Variants in PCDHA7 observed in about 807,000 individuals in gnomAD.
PCDHA7 encodes protocadherin alpha 7.
PCDHA7 carries 37 observed loss-of-function variants against 57.2 expected under a neutral mutation model. The observed-to-expected ratio is 0.65, with a 90% confidence interval of 0.50 to 0.85. The LOEUF (loss-of-function observed/expected upper bound fraction) is 0.85. PCDHA7 is among the 40% of genes least tolerant of loss of function. PCDHA7 has a pLI of 0.00. For missense variants in PCDHA7, 1,188 were observed against 1,241.8 expected (o/e 0.96, Z 0.65); for synonymous variants, 553 against 558.8 (o/e 0.99, Z 0.15).
At chr5:140,871,774 T>C (rs1164981873) in intron 1 of PCDHA7, among the ~76,000 whole-genome samples, 1 of 152,254 alleles carries the variant, frequency 6.6e-6, no homozygotes, top group African/African-American at 2.4e-5. Context: ...GACTCTTCTG[T>C]AGTCACTTGA....
intron 1 of PCDHA7, among the ~76,000 whole-genome samples, chr5:140,949,542 T>G (rs1418281515): frequency 6.6e-6 from 1 of 151,916 alleles, no homozygotes; most frequent in East Asian, 1.9e-4. Context: ...AATATCGATT[T>G]GTTGCTGGTC....
At chr5:140,927,172 G>A (rs782548172) in intron 1 of PCDHA7, 7 of 1,614,034 alleles carry the variant, frequency 4.3e-6, no homozygotes, top group East Asian at 4.5e-5. Context: ...AGCTGCCTGC[G>A]TCTTGACCTA....
chr5:140,880,645 C>A (rs535367313), intron 1 of PCDHA7, among the ~76,000 whole-genome samples: 1 of 152,032 alleles, frequency 6.6e-6, no homozygotes, highest in Admixed American at 6.6e-5. Context: ...CACTTGAGAG[C>A]CCAACTGAGG....
chr5:140,842,874 A>C lies in PCDHA7; in HGVS notation c.2355+6136A>C, dbSNP rs2150346972. 38 of 1,593,708 alleles carry C rather than the reference A, an allele frequency of 2.4e-5. 5 individuals carry two copies. The highest frequency in any genetic ancestry group is 2.3e-4 in the African/African-American group (17 of 74,204). On this transcript the variant is annotated intron_variant, in intron 1 of 3. Coordinates refer to ENST00000525929, the MANE Select transcript of PCDHA7 (RefSeq NM_018910.3). Reference sequence around the variant, plus strand: ...GTGCACACGGAGAGCGGCAAGGTGTACGCGCTGCAGCCGCTGGACCACGAG... The same window carrying C: ...GTGCACACGGAGAGCGGCAAGGTGTCCGCGCTGCAGCCGCTGGACCACGAG...
Position 140,856,120 on chromosome 5 carries a change from G to C in PCDHA7, c.2355+19382G>C, listed in dbSNP as rs782167466. 6 of 1,598,210 alleles carry C rather than the reference G, an allele frequency of 3.8e-6. 1 individual carries two copies. The highest frequency in any genetic ancestry group is 5.1e-6 in the Non-Finnish European group (6 of 1,167,784). On this transcript the variant is annotated intron_variant, in intron 1 of 3. Transcript: ENST00000525929. ...CGCTTCTTCTCCTCGCAGCCTGGGA[G>C]GTGGGGAGCGGCCAGCTCCACTACT...
At chr5:140,972,660 A>ATTTTTTTT (rs11350929) in intron 1 of PCDHA7, among the ~76,000 whole-genome samples, 1 of 117,268 alleles carries the variant, frequency 8.5e-6, no homozygotes, top group Non-Finnish European at 1.7e-5. Context: ...AAGAAACCAA[A>ATTTTTTTT]TTTTTTTTTT....
In PCDHA7 at chr5:140,843,250, G is replaced by C; in HGVS notation, c.2355+6512G>C. The stretch of plus-strand genomic sequence containing the variant: ...GTGTCCTGGACGAAGCGGACTCTCC[G>C]CGCCACCGTCTGCTGGTCCTGGTGA... On this transcript the variant is annotated intron_variant, in intron 1 of 3. Transcript: ENST00000525929. 14 of 1,596,012 alleles carry C rather than the reference G, an allele frequency of 8.8e-6. 3 individuals carry two copies. Among genetic ancestry groups the C allele is most frequent in the Non-Finnish European group, 1.1e-5 (13 of 1,165,570 alleles).
intron 1 of PCDHA7, among the ~76,000 whole-genome samples, chr5:140,895,167 T>G (rs1289758040): frequency 6.6e-6 from 1 of 152,186 alleles, no homozygotes; most frequent in African/African-American, 2.4e-5. Flanking sequence ...CAATCCAATC[T>G]ATTTGTAGTC....
rs963313279 is a variant in PCDHA7, at chr5:140,848,520, C to A, written c.2355+11782C>A. On this transcript the variant is annotated intron_variant, in intron 1 of 3. Coordinates refer to ENST00000525929, the MANE Select transcript of PCDHA7 (RefSeq NM_018910.3). Reference sequence around the variant, plus strand: ...AATGTTATACTCAAGTCGAGGAGATCCAGAGGGTCAGCCTCTACTGCTCTC... The same window carrying A: ...AATGTTATACTCAAGTCGAGGAGATACAGAGGGTCAGCCTCTACTGCTCTC... The A allele has an allele frequency of 3.1e-6, 5 of 1,592,812 alleles. 1 individual carries two copies. The Admixed American group carries it at 5.1e-5, about 16-fold the overall frequency.
At chr5:140,934,196 C>T in intron 1 of PCDHA7, among the ~76,000 whole-genome samples, 1 of 152,068 alleles carries the variant, frequency 6.6e-6, no homozygotes, top group East Asian at 1.9e-4. Context: ...CTTTTCATTT[C>T]TATTTCCTCA....
At position 140,836,594 on chromosome 5, in the gene PCDHA7, C is replaced by T. The variant is rs2150264886; in HGVS notation, c.2211C>T (p.Pro737=). 2 of 1,613,766 alleles carry T rather than the reference C, an allele frequency of 1.2e-6. No individual in the cohort carries two copies. The highest frequency in any genetic ancestry group is 2.7e-5 in the African/African-American group (2 of 74,922). The change falls in exon 1 of 4, where the codon CCC becomes CCT. Residue 737 remains proline, a synonymous_variant. Transcript: ENST00000525929. The stretch of plus-strand genomic sequence containing the variant: ...AGGGCGCATGTAGTTTGGTAAAGCC[C>T]ACTCTGGTGTGCTCCAGCGCGGTGG... ...SSEGACSLVK[P]TLVCSSAVGS...
At chr5:140,976,971 C>A (rs2096740170) in intron 1 of PCDHA7, among the ~76,000 whole-genome samples, 1 of 152,138 alleles carries the variant, frequency 6.6e-6, no homozygotes, top group Non-Finnish European at 1.5e-5. Flanking sequence ...TTTCCTTTTC[C>A]CTGCCTGATC....
In PCDHA7 at chr5:140,835,816, C is replaced by G. The variant is rs1554135300; in HGVS notation, c.1433C>G (p.Ser478Trp). The stretch of plus-strand genomic sequence containing the variant: ...CCGGGCTGCCACATCTTCACTGTGT[C>G]GGCGGGGGACGCGGACGCGCAGAAG... ...NPPGCHIFTV[S>W]AGDADAQKNA... The change falls in exon 1 of 4, where the codon TCG becomes TGG. Residue 478 changes from serine (S) to tryptophan (W), a missense_variant. Coordinates refer to ENST00000525929, the MANE Select transcript of PCDHA7 (RefSeq NM_018910.3). The G allele has an allele frequency of 6.2e-7, 1 of 1,612,730 alleles. No individual in the cohort carries two copies. Among genetic ancestry groups the G allele is most frequent in the Non-Finnish European group, 8.5e-7 (1 of 1,179,704 alleles).
At chr5:141,006,634 A>G (rs1324728437) in intron 3 of PCDHA7, among the ~76,000 whole-genome samples, 4 of 152,220 alleles carry the variant, frequency 2.6e-5, no homozygotes, top group Non-Finnish European at 5.9e-5. Flanking sequence ...GCTGCAATTC[A>G]TATAAGAGAT....
At chr5:140,875,078 G>A (rs1554167473) in intron 1 of PCDHA7, among the ~76,000 whole-genome samples, 1 of 152,164 alleles carries the variant, frequency 6.6e-6, no homozygotes, top group Non-Finnish European at 1.5e-5. Flanking sequence ...AAGCTACAGC[G>A]TAATAAAATT....
rs2150496669 is a variant in PCDHA7 at position 140,850,740 on chromosome 5, T to A, written c.2355+14002T>A. 3.1e-6 allele frequency: 5 copies of A among 1,597,562 alleles called. 1 individual carries two copies. The highest frequency in any genetic ancestry group is 3.4e-6 in the Non-Finnish European group (4 of 1,167,476). On this transcript the variant is annotated intron_variant, in intron 1 of 3. Coordinates refer to ENST00000525929, the MANE Select transcript of PCDHA7 (RefSeq NM_018910.3). Reference sequence around the variant, plus strand: ...GTGTTCTAGCGCGGTGGGGAGTTGGTCGTACTCGCAGCAGAGGAGGCAGAG... The same window carrying A: ...GTGTTCTAGCGCGGTGGGGAGTTGGACGTACTCGCAGCAGAGGAGGCAGAG...
At chr5:140,857,327 C>G (rs1554149849) in intron 1 of PCDHA7, 1 of 1,598,614 alleles carries the variant, frequency 6.3e-7, no homozygotes, top group Non-Finnish European at 8.6e-7. Flanking sequence ...GGTGACCGCG[C>G]GGGACGGGGG....
chr5:140,928,043 C>A (rs1554205400), intron 1 of PCDHA7: 1 of 1,614,192 alleles, frequency 6.2e-7, no homozygotes, highest in Non-Finnish European at 8.5e-7. Context: ...AGTGCAGGCC[C>A]TTTTCAGCTG....
rs2150250526 is a variant in PCDHA7, at chr5:140,836,008, T to C, written c.1625T>C (p.Val542Ala). Residue 542 changes from valine (V) to alanine (A), a missense_variant, in exon 1 of 4, where the codon GTG becomes GCG. Coordinates refer to ENST00000525929, the MANE Select transcript of PCDHA7 (RefSeq NM_018910.3). ...CAGGTGAGCGCGCGCGATGCGGGCGTGCCGCCTCTGGGCAGCAACGTGACG... is the reference window on the plus strand; with the variant it reads ...CAGGTGAGCGCGCGCGATGCGGGCGCGCCGCCTCTGGGCAGCAACGTGACG... ...QFQVSARDAGVPPLGSNVTLQ... is the reference protein window; with the variant it reads ...QFQVSARDAGAPPLGSNVTLQ... The C allele has an allele frequency of 2.5e-6, 4 of 1,613,236 alleles. No homozygotes were observed. Among genetic ancestry groups the C allele is most frequent in the Non-Finnish European group, 3.4e-6 (4 of 1,179,680 alleles).
Sources: allele counts gnomAD v4.1 joint callset (sites outside exome capture counted in the v4.1 genomes callset), GRCh38; gene constraint gnomAD v4.1.1; transcripts MANE v1.5; gene names NCBI Gene and HGNC (gene_info 2026-07-23, HGNC 2026-07-21).